ABTB3: variants seen among roughly 807,000 people sequenced by gnomAD.
ABTB3 encodes the protein ankyrin repeat- and BTB/POZ domain-containing protein 3.
At chr12:107,389,732 G>A in the ABTB3 span, among the ~76,000 whole-genome samples, 80 of 151,762 alleles carry the variant, frequency 5.3e-4, 1 homozygote, top group Admixed American at 3.0e-3. Context: ...ACAGATAGCC[G>A]GGGGGCTCTA....
At chr12:107,338,524 C>T in the ABTB3 span, among the ~76,000 whole-genome samples, 1 of 152,300 alleles carries the variant, frequency 6.6e-6, no homozygotes, top group South Asian at 2.1e-4. Flanking sequence ...ATTGTTAGTG[C>T]TCAAATGTCT....
chr12:107,571,957 A>G, the ABTB3 span, among the ~76,000 whole-genome samples: 1 of 152,246 alleles, frequency 6.6e-6, no homozygotes, highest in Non-Finnish European at 1.5e-5. Flanking sequence ...ACAGAGAATA[A>G]GAGATAAGAT....
the ABTB3 span, chr12:107,319,799 G>C: frequency 7.1e-7 from 1 of 1,402,500 alleles, no homozygotes; most frequent in Non-Finnish European, 9.4e-7. Flanking sequence ...GGCGGATAAA[G>C]AGCGGGAGGC....
chr12:107,608,957 ATAAAATAAAAT>A, the ABTB3 span, among the ~76,000 whole-genome samples: 3 of 65,236 alleles, frequency 4.6e-5, no homozygotes, highest in African/African-American at 2.3e-4. Context: ...AAAATAAAAT[ATAAAATAAAAT>A]ATAAAATAAA....
the ABTB3 span, among the ~76,000 whole-genome samples, chr12:107,386,315 G>T: frequency 2.6e-5 from 4 of 152,170 alleles, no homozygotes; most frequent in Admixed American, 6.5e-5. Context: ...GTTGATATTT[G>T]CTTGTGGGAT....
chr12:107,641,921 C>T, the ABTB3 span, among the ~76,000 whole-genome samples: 22 of 152,136 alleles, frequency 1.4e-4, no homozygotes, highest in African/African-American at 4.6e-4. Flanking sequence ...AATTAGATTA[C>T]GGTATAATAG....
At chr12:107,523,726 C>T in the ABTB3 span, among the ~76,000 whole-genome samples, 1 of 152,116 alleles carries the variant, frequency 6.6e-6, no homozygotes. Flanking sequence ...GTACTCGGGG[C>T]GTTCAGAGGC....
the ABTB3 span, among the ~76,000 whole-genome samples, chr12:107,476,844 T>C: frequency 6.6e-6 from 1 of 152,130 alleles, no homozygotes; most frequent in African/African-American, 2.4e-5. Flanking sequence ...TATTTACTTG[T>C]ATGCTGACTT....
the ABTB3 span, among the ~76,000 whole-genome samples, chr12:107,628,921 G>A: frequency 5.9e-5 from 9 of 152,170 alleles, no homozygotes; most frequent in African/African-American, 2.2e-4. Context: ...CATTGTTTAT[G>A]TTTTTACCAC....
At chr12:107,532,038 C>T in the ABTB3 span, among the ~76,000 whole-genome samples, 19 of 152,200 alleles carry the variant, frequency 1.2e-4, no homozygotes, top group Non-Finnish European at 2.5e-4. Flanking sequence ...CTCCCCAGTA[C>T]CTGAAAGCTT....
At chr12:107,432,300 A>G in the ABTB3 span, among the ~76,000 whole-genome samples, 4 of 152,204 alleles carry the variant, frequency 2.6e-5, no homozygotes, top group South Asian at 8.3e-4. Flanking sequence ...AGAAGGAAAG[A>G]GGGAAATGGA....
the ABTB3 span, among the ~76,000 whole-genome samples, chr12:107,611,343 G>C: frequency 6.6e-6 from 1 of 152,050 alleles, no homozygotes; most frequent in Admixed American, 6.6e-5. Context: ...ACCACACCCT[G>C]CTTATTTTTA....
At chr12:107,513,577 G>A in the ABTB3 span, among the ~76,000 whole-genome samples, 1 of 152,188 alleles carries the variant, frequency 6.6e-6, no homozygotes, top group Non-Finnish European at 1.5e-5. Flanking sequence ...ATGCGGAACT[G>A]TGAGACAATT....
chr12:107,565,013 G>T, the ABTB3 span, among the ~76,000 whole-genome samples: 10 of 152,328 alleles, frequency 6.6e-5, no homozygotes, highest in East Asian at 1.9e-3. Context: ...GCATGTGACT[G>T]GTGTATATAA....
the ABTB3 span, among the ~76,000 whole-genome samples, chr12:107,547,616 A>G: frequency 6.6e-6 from 1 of 152,152 alleles, no homozygotes; most frequent in African/African-American, 2.4e-5. Context: ...TTGAATTTTC[A>G]AGAGTCAGCA....
the ABTB3 span, among the ~76,000 whole-genome samples, chr12:107,427,996 C>T: frequency 0.022 from 3,422 of 152,260 alleles, 134 homozygotes; most frequent in African/African-American, 0.077. Context: ...CCTTAAACGC[C>T]TTGCCCTCCT....
chr12:107,539,281 G>A, the ABTB3 span, among the ~76,000 whole-genome samples: 549 of 152,164 alleles, frequency 3.6e-3, 22 homozygotes, highest in East Asian at 0.082. Flanking sequence ...TCCCACCCCA[G>A]GCCTCTATCT....
chr12:107,574,770 C>A, the ABTB3 span, among the ~76,000 whole-genome samples: 1 of 152,242 alleles, frequency 6.6e-6, no homozygotes, highest in Non-Finnish European at 1.5e-5. Context: ...GTGCCCCAGA[C>A]TCTCTGAATC....
At chr12:107,624,848 T>C in the ABTB3 span, among the ~76,000 whole-genome samples, 2 of 152,236 alleles carry the variant, frequency 1.3e-5, no homozygotes, top group African/African-American at 2.4e-5. Flanking sequence ...TGTAAATGCC[T>C]GGGAGTGCAA....
Sources: gnomAD v4.1 joint callset for allele counts (sites outside exome capture counted in the v4.1 genomes callset) on GRCh38, gnomAD v4.1.1 for gene constraint, MANE v1.5 for transcripts, NCBI Gene and HGNC (gene_info 2026-07-23, HGNC 2026-07-21) for gene names.